Variants in HIBADH observed in about 807,000 individuals in gnomAD.
The protein encoded by HIBADH is 3-hydroxyisobutyrate dehydrogenase.
HIBADH carries 25 observed loss-of-function variants against 36.1 expected under a neutral mutation model. The ratio of observed to expected loss-of-function variants is 0.69; its 90% confidence interval spans 0.50 to 0.97. The LOEUF (loss-of-function observed/expected upper bound fraction) is 0.97, where lower values mean the gene tolerates loss of function less well. Ranked by LOEUF, HIBADH falls within the 50% of genes least tolerant of loss-of-function variation. HIBADH has a pLI of 0.00. For missense variants in HIBADH, 421 were observed against 418.0 expected, an observed-to-expected ratio of 1.01 and a Z score of -0.06; for synonymous variants, 160 against 149.5, an observed-to-expected ratio of 1.07 and a Z score of -0.51.
chr7:27,646,874 T>G (rs955661458), intron 2 of HIBADH, among the ~76,000 whole-genome samples: 2 of 151,974 alleles, frequency 1.3e-5, no homozygotes, highest in Non-Finnish European at 2.9e-5. Context: ...TTTTGTATTT[T>G]TAGTAGAGCC....
At position 27,612,621 on chromosome 7, in the gene HIBADH, C is replaced by T. The variant is rs959854229; in HGVS notation, c.484+16750G>A. Reference sequence around the variant, plus strand: ...TACAGGCATGAGCCACCGCGCCCAGCCTGTAATCTCTTTCTAAAAGTACCA... The same window carrying T: ...TACAGGCATGAGCCACCGCGCCCAGTCTGTAATCTCTTTCTAAAAGTACCA... On this transcript the variant is annotated intron_variant, in intron 4 of 7. Coordinates refer to ENST00000265395, the MANE Select transcript of HIBADH (RefSeq NM_152740.4). Among the ~76,000 whole-genome samples the T allele has an allele frequency of 7.6e-4, 116 of 151,846 alleles. 2 individuals are homozygous for T. Among genetic ancestry groups the T allele is most frequent in the African/African-American group, 2.6e-3 (107 of 41,472 alleles).
At chr7:27,537,425 G>A (rs1276101611) in intron 6 of HIBADH, among the ~76,000 whole-genome samples, 1 of 151,968 alleles carries the variant, frequency 6.6e-6, no homozygotes, top group East Asian at 1.9e-4. Context: ...CAAGTATGTT[G>A]GCTCTTTTTA....
chr7:27,641,674 T>C (rs1005751523), intron 2 of HIBADH, among the ~76,000 whole-genome samples: 10 of 152,216 alleles, frequency 6.6e-5, no homozygotes, highest in African/African-American at 2.4e-4. Flanking sequence ...CAAATTAATA[T>C]TACCTTTTAA....
At chr7:27,660,104 T>C (rs918452600) in intron 1 of HIBADH, among the ~76,000 whole-genome samples, 1 of 152,218 alleles carries the variant, frequency 6.6e-6, no homozygotes, top group African/African-American at 2.4e-5. Flanking sequence ...AACCGGCAAC[T>C]TTCAGGTTTC....
Position 27,552,246 on chromosome 7 carries a change from G to A in HIBADH, c.485-9146C>T, listed in dbSNP as rs192485547. Among the ~76,000 whole-genome samples, 312 of 152,278 alleles carry A rather than the reference G, an allele frequency of 2.0e-3. 1 individual carries two copies. The highest frequency in any genetic ancestry group is 7.2e-3 in the African/African-American group (300 of 41,556). ...GTCAGATGTTCTCTTGGGTTTTGGT[G>A]ACACAGATGAATGGCTTTGCACATG... On this transcript the variant is annotated intron_variant, in intron 4 of 7. Coordinates refer to ENST00000265395, the MANE Select transcript of HIBADH (RefSeq NM_152740.4).
At position 27,538,267 on chromosome 7, in the gene HIBADH, A is replaced by AT. The variant is rs141534210; in HGVS notation, c.695+73dup. The AT allele has an allele frequency of 8.0e-3, 9,256 of 1,158,600 alleles. 556 individuals carry two copies. In the African/African-American group the frequency reaches 0.13, roughly 16 times the overall value. 71.8% of individuals were successfully genotyped at this position (1,158,600 alleles called of 1,614,324 possible). On this transcript the variant is annotated intron_variant, in intron 6 of 7. Coordinates refer to ENST00000265395, the MANE Select transcript of HIBADH (RefSeq NM_152740.4). Reference sequence around the variant, plus strand: ...AACTCATTTATCTCTCATGAATATCATTTTTTTAACATCAGAAAATCAAAT... The same window carrying AT: ...AACTCATTTATCTCTCATGAATATCATTTTTTTTAACATCAGAAAATCAAAT...
intron 4 of HIBADH, among the ~76,000 whole-genome samples, chr7:27,551,516 A>G (rs1403658803): frequency 6.6e-6 from 1 of 152,220 alleles, no homozygotes; most frequent in Non-Finnish European, 1.5e-5. Context: ...TAACAGTAGG[A>G]AAGAGCTGAA....
intron 4 of HIBADH, among the ~76,000 whole-genome samples, chr7:27,543,365 C>A (rs910640854): frequency 2.0e-5 from 3 of 152,118 alleles, no homozygotes; most frequent in African/African-American, 7.2e-5. Context: ...CAATCATGGC[C>A]TAACAGATAA....
chr7:27,548,584 A>G (rs567916831), intron 4 of HIBADH, among the ~76,000 whole-genome samples: 1 of 152,330 alleles, frequency 6.6e-6, no homozygotes, highest in African/African-American at 2.4e-5. Context: ...GTAAAGATTC[A>G]ACGAGTAAAC....
intron 2 of HIBADH, among the ~76,000 whole-genome samples, chr7:27,634,644 G>C (rs1157090347): frequency 2.6e-5 from 4 of 152,160 alleles, no homozygotes; most frequent in Non-Finnish European, 5.9e-5. Context: ...ACCTTTAAGG[G>C]ACATCAGTAA....
chr7:27,549,030 G>A (rs1045704846), intron 4 of HIBADH, among the ~76,000 whole-genome samples: 2 of 152,134 alleles, frequency 1.3e-5, no homozygotes, highest in African/African-American at 4.8e-5. Context: ...AACATGAACT[G>A]AGCAAGTAAT....
chr7:27,645,622 T>C (rs1786055244), intron 2 of HIBADH, among the ~76,000 whole-genome samples: 1 of 152,068 alleles, frequency 6.6e-6, no homozygotes, highest in Non-Finnish European at 1.5e-5. Context: ...CCTCAAGTGA[T>C]CCACCTGCCT....
chr7:27,574,605 G>GT (rs1352625181), intron 4 of HIBADH, among the ~76,000 whole-genome samples: 1 of 152,024 alleles, frequency 6.6e-6, no homozygotes, highest in African/African-American at 2.4e-5. Flanking sequence ...TATTATTGCT[G>GT]CTCTAATAGA....
chr7:27,567,695 T>A (rs1784567745), intron 4 of HIBADH, among the ~76,000 whole-genome samples: 1 of 62,230 alleles, frequency 1.6e-5, no homozygotes, highest in Admixed American at 1.5e-4. Context: ...ACAATATACA[T>A]ACTAAAGTTT....
chr7:27,553,337 A>G (rs1010738684), intron 4 of HIBADH, among the ~76,000 whole-genome samples: 2 of 152,240 alleles, frequency 1.3e-5, no homozygotes, highest in African/African-American at 4.8e-5. Context: ...ATTGGAAGCA[A>G]TAGCCGTTCT....
At position 27,602,605 on chromosome 7, in the gene HIBADH, G is replaced by C. The variant is rs568850456; in HGVS notation, c.484+26766C>G. Among the ~76,000 whole-genome samples, 4 of 152,166 alleles carry C rather than the reference G, an allele frequency of 2.6e-5. No individual in the cohort carries two copies. The East Asian group carries it at 7.7e-4, about 29-fold the overall frequency. On this transcript the variant is annotated intron_variant, in intron 4 of 7. Transcript: ENST00000265395. ...TTAGTTTTTAGAAGCCATGTTTAGA[G>C]CTAAGCTGATATACTATGCCAAAAG...
Position 27,662,714 on chromosome 7 carries a change from G to T in HIBADH, c.75C>A (p.Ala25=), listed in dbSNP as rs1437481108. The change falls in exon 1 of 8, where the codon GCC becomes GCA. Residue 25 remains alanine, a synonymous_variant. Coordinates refer to ENST00000265395, the MANE Select transcript of HIBADH (RefSeq NM_152740.4). ...RYWSRRLRPA[A]GSFAAVCSRS... Reference sequence around the variant, plus strand: ...GGTCCTTACCCGCTGCAAAGCTGCCGGCTGCCGGCCGCAGCCGCCGGCTCC... The same window carrying T: ...GGTCCTTACCCGCTGCAAAGCTGCCTGCTGCCGGCCGCAGCCGCCGGCTCC... 6 of 1,372,794 alleles carry T rather than the reference G, an allele frequency of 4.4e-6. No homozygotes were observed. In the Admixed American group the frequency reaches 1.9e-4, roughly 42 times the overall value. The allele number at this position is 1,372,794 out of a possible 1,614,324, so 85.0% of individuals were successfully genotyped here.
intron 4 of HIBADH, among the ~76,000 whole-genome samples, chr7:27,613,040 A>T (rs1474328894): frequency 7.7e-6 from 1 of 129,910 alleles, no homozygotes; most frequent in Non-Finnish European, 1.6e-5. Flanking sequence ...TTTACATAAT[A>T]TATAAATATA....
At chr7:27,592,293 CTT>C (rs1242510996) in intron 4 of HIBADH, among the ~76,000 whole-genome samples, 1 of 152,142 alleles carries the variant, frequency 6.6e-6, no homozygotes, top group African/African-American at 2.4e-5. Context: ...GTCCATTTAT[CTT>C]TTTCCTCAGC....
Sources: gnomAD v4.1 joint callset for allele counts (sites outside exome capture counted in the v4.1 genomes callset) on GRCh38, gnomAD v4.1.1 for gene constraint, MANE v1.5 for transcripts, NCBI Gene and HGNC (gene_info 2026-07-23, HGNC 2026-07-21) for gene names.